The following PDE4D variants were observed in gnomAD, a reference collection of about 807,000 sequenced individuals.
PDE4D encodes 3',5'-cyclic-AMP phosphodiesterase 4D.
Under a neutral mutation model 87.4 loss-of-function variants are expected in PDE4D, and 24 were observed. That is an observed-to-expected ratio of 0.27 (90% CI 0.20 to 0.39). The LOEUF is 0.39. Among genes scored for constraint, PDE4D ranks in the 10% least tolerant of loss-of-function variants. The pLI is 1.00. For synonymous variants in PDE4D, 384 were observed against 383.2 expected (o/e 1.00, Z -0.02); for missense variants, 714 against 1,041.0 (o/e 0.69, Z 4.32).
At chr5:60,511,837 A>T (rs1182676639) in intron 1 of PDE4D, among the ~76,000 whole-genome samples, 1 of 152,120 alleles carries the variant, frequency 6.6e-6, no homozygotes, top group Non-Finnish European at 1.5e-5. Flanking sequence ...TCAAAATTTT[A>T]AAATATTTTA....
intron 1 of PDE4D, among the ~76,000 whole-genome samples, chr5:60,412,002 A>C (rs1433275854): frequency 6.6e-6 from 1 of 152,192 alleles, no homozygotes; most frequent in African/African-American, 2.4e-5. Context: ...AACTTAATAA[A>C]ACAGTACAAT....
At chr5:60,068,053 G>A (rs1772299301) in intron 2 of PDE4D, among the ~76,000 whole-genome samples, 1 of 152,114 alleles carries the variant, frequency 6.6e-6, no homozygotes, top group Non-Finnish European at 1.5e-5. Context: ...ACATCTTTGA[G>A]ATCCTGATTT....
At chr5:59,272,178 TA>T (rs1763952153) in intron 1 of PDE4D, among the ~76,000 whole-genome samples, 1 of 152,064 alleles carries the variant, frequency 6.6e-6, no homozygotes, top group African/African-American at 2.4e-5. Context: ...ACATAAATCC[TA>T]AACACTGTTC....
intron 5 of PDE4D, among the ~76,000 whole-genome samples, chr5:59,060,468 T>C (rs1311661372): frequency 6.6e-6 from 1 of 152,184 alleles, no homozygotes; most frequent in African/African-American, 2.4e-5. Context: ...TTGTGTCATA[T>C]ATCTGTTCAT....
intron 1 of PDE4D, among the ~76,000 whole-genome samples, chr5:60,403,502 G>A (rs1001627726): frequency 6.6e-6 from 1 of 152,192 alleles, no homozygotes; most frequent in Non-Finnish European, 1.5e-5. Flanking sequence ...CAATTCAGTA[G>A]GGACAGAAAA....
intron 1 of PDE4D, among the ~76,000 whole-genome samples, chr5:60,264,565 A>G (rs932464292): frequency 6.6e-6 from 1 of 152,244 alleles, no homozygotes; most frequent in Non-Finnish European, 1.5e-5. Context: ...TGTACTGGGT[A>G]AGTGGACTAG....
At chr5:60,465,587 G>C (rs1747289208) in intron 1 of PDE4D, among the ~76,000 whole-genome samples, 1 of 151,980 alleles carries the variant, frequency 6.6e-6, no homozygotes, top group African/African-American at 2.4e-5. Flanking sequence ...AAAAGAGTGG[G>C]AAATATTGAA....
At chr5:59,091,944 C>T (rs572440338) in intron 5 of PDE4D, among the ~76,000 whole-genome samples, 124 of 152,196 alleles carry the variant, frequency 8.1e-4, no homozygotes, top group African/African-American at 2.7e-3. Flanking sequence ...CCTTAAATGA[C>T]ATGCATTTAT....
At chr5:60,320,916 T>A (rs891229710) in intron 1 of PDE4D, among the ~76,000 whole-genome samples, 3 of 151,802 alleles carry the variant, frequency 2.0e-5, no homozygotes, top group African/African-American at 7.3e-5. Context: ...CACAATCCAA[T>A]AAAAAAAATT....
intron 1 of PDE4D, among the ~76,000 whole-genome samples, chr5:59,389,608 A>G (rs1787833940): frequency 6.6e-6 from 1 of 152,184 alleles, no homozygotes; most frequent in Non-Finnish European, 1.5e-5. Context: ...AATTTATTCA[A>G]AGGAAAGGAA....
At position 59,587,572 on chromosome 5, in the gene PDE4D, A is replaced by G. The variant is rs550462687; in HGVS notation, c.455+305596T>C. On this transcript the variant is annotated intron_variant, in intron 1 of 14. Coordinates refer to ENST00000340635, the MANE Select transcript of PDE4D (RefSeq NM_001104631.2). ...TGTCTGCCCTGGGCTGTGCCGCCCC[A>G]GCTCTGATCAGCTCAGGACACTTGC... The G allele has an allele frequency of 1.2e-5, 12 of 985,428 alleles. No homozygotes were observed. The African/African-American group carries it at 2.1e-4, about 17-fold the overall frequency. The allele number at this position is 985,428 out of a possible 1,614,324, so 61.0% of individuals were successfully genotyped here.
intron 1 of PDE4D, among the ~76,000 whole-genome samples, chr5:59,445,337 G>A (rs974450329): frequency 1.3e-5 from 2 of 152,092 alleles, no homozygotes; most frequent in Non-Finnish European, 2.9e-5. Context: ...AGTTTATGCT[G>A]GCAAATACTC....
At chr5:59,173,954 G>C (rs1288778004) in intron 5 of PDE4D, among the ~76,000 whole-genome samples, 1 of 151,970 alleles carries the variant, frequency 6.6e-6, no homozygotes, top group Non-Finnish European at 1.5e-5. Flanking sequence ...TATACTACTT[G>C]CTTTTATCAC....
intron 1 of PDE4D, among the ~76,000 whole-genome samples, chr5:59,753,524 G>T (rs936101721): frequency 6.6e-6 from 1 of 152,124 alleles, no homozygotes; most frequent in African/African-American, 2.4e-5. Context: ...ACTTGAGCCT[G>T]GGAAATGAGG....
At chr5:60,351,622 C>A (rs1759199356) in intron 1 of PDE4D, among the ~76,000 whole-genome samples, 1 of 151,888 alleles carries the variant, frequency 6.6e-6, no homozygotes, top group Admixed American at 6.6e-5. Context: ...CATGCCAGCC[C>A]CAAACTGCCT....
chr5:59,479,091 CA>C (rs1390438266), intron 1 of PDE4D, among the ~76,000 whole-genome samples: 17 of 150,552 alleles, frequency 1.1e-4, no homozygotes, highest in Non-Finnish European at 2.4e-4. Flanking sequence ...GTATTCAGTG[CA>C]CAAGGCAAAG....
intron 5 of PDE4D, among the ~76,000 whole-genome samples, chr5:59,111,276 T>C (rs376473382): frequency 3.5e-4 from 54 of 152,336 alleles, no homozygotes; most frequent in African/African-American, 1.3e-3. Context: ...GTGGTCTCAC[T>C]GGGGATAGTT....
intron 1 of PDE4D, among the ~76,000 whole-genome samples, chr5:59,225,186 A>G (rs1292382732): frequency 1.3e-5 from 2 of 152,160 alleles, no homozygotes; most frequent in Admixed American, 6.5e-5. Flanking sequence ...TGTATGATTT[A>G]AGATAAAGGT....
intron 1 of PDE4D, among the ~76,000 whole-genome samples, chr5:59,498,145 C>T (rs1352273810): frequency 6.6e-6 from 1 of 151,662 alleles, no homozygotes; most frequent in East Asian, 1.9e-4. Context: ...ATCACCACCA[C>T]ACTAGACCTA....
Sources: allele counts gnomAD v4.1 joint callset (sites outside exome capture counted in the v4.1 genomes callset), GRCh38; gene constraint gnomAD v4.1.1; transcripts MANE v1.5; gene names NCBI Gene and HGNC (gene_info 2026-07-23, HGNC 2026-07-21).